The following MALT1 variants were observed in gnomAD, a reference collection of about 807,000 sequenced individuals.
MALT1 encodes the protein MALT1 paracaspase.
In MALT1, 36 loss-of-function variants were observed where a neutral mutation model predicts 85.5. The ratio of observed to expected loss-of-function variants is 0.42; its 90% CI spans 0.32 to 0.56. The LOEUF (loss-of-function observed/expected upper bound fraction) is 0.56, where lower values mean the gene tolerates loss of function less well. Among genes scored for constraint, MALT1 ranks in the 20% least tolerant of loss-of-function variants. The probability of loss-of-function intolerance (pLI) is 0.10; values close to 1 mark genes in which losing one functional copy is unlikely to be tolerated. For synonymous variants in MALT1, 359 were observed against 361.3 expected, an observed-to-expected ratio of 0.99 and a Z score of 0.07; for missense variants, 716 against 981.6, an observed-to-expected ratio of 0.73 and a Z score of 3.62.
chr18:58,689,503 C>T (rs2054463322), intron 2 of MALT1, among the ~76,000 whole-genome samples: 1 of 152,196 alleles, frequency 6.6e-6, no homozygotes, highest in Non-Finnish European at 1.5e-5. Context: ...CACTAACACC[C>T]ACTGCAGTGC....
At chr18:58,717,766 A>AT (rs2054924863) in intron 9 of MALT1, among the ~76,000 whole-genome samples, 1 of 151,312 alleles carries the variant, frequency 6.6e-6, no homozygotes, top group Non-Finnish European at 1.5e-5. Context: ...AAAAAAAAAA[A>AT]AGAAACCTGC....
At chr18:58,720,624 TC>T (rs2054970096) in intron 9 of MALT1, among the ~76,000 whole-genome samples, 1 of 152,216 alleles carries the variant, frequency 6.6e-6, no homozygotes, top group Non-Finnish European at 1.5e-5. Context: ...AAGTATTCTT[TC>T]CCAAATAGAG....
chr18:58,721,549 A>G (rs1474041356), intron 9 of MALT1, among the ~76,000 whole-genome samples: 1 of 152,242 alleles, frequency 6.6e-6, no homozygotes, highest in Non-Finnish European at 1.5e-5. Flanking sequence ...GAACATGTAC[A>G]TATAGAATAG....
At chr18:58,699,590 T>A (rs1053597593) in intron 3 of MALT1, among the ~76,000 whole-genome samples, 1 of 152,242 alleles carries the variant, frequency 6.6e-6, no homozygotes, top group African/African-American at 2.4e-5. Flanking sequence ...ATATTTGCAT[T>A]GTATACTTAA....
intron 3 of MALT1, among the ~76,000 whole-genome samples, chr18:58,699,329 G>A (rs2054638729): frequency 6.6e-6 from 1 of 152,178 alleles, no homozygotes; most frequent in Non-Finnish European, 1.5e-5. Flanking sequence ...AGTCTAGAAG[G>A]AAAACACACT....
In MALT1 at chr18:58,739,490, A is replaced by G. The variant is rs1317283218; in HGVS notation, c.1604-2375A>G. On this transcript the variant is annotated intron_variant, in intron 13 of 16. Transcript: ENST00000649217. ...GTGCCAAGATATTTAGTCCAGCATT[A>G]TTCAAGATGTTTCTAGGTGATGGAT... 3.9e-5 allele frequency among the ~76,000 whole-genome samples: 6 copies of G among 152,292 alleles called. No individual in the cohort carries two copies. The East Asian group carries it at 9.6e-4, about 24-fold the overall frequency.
chr18:58,678,870 G>A (rs1370329525), intron 1 of MALT1, among the ~76,000 whole-genome samples: 1 of 152,170 alleles, frequency 6.6e-6, no homozygotes, highest in South Asian at 2.1e-4. Context: ...GTGTGGTCTA[G>A]GAGGACCTTG....
rs192333093 is a variant in MALT1, at chr18:58,676,910, A to G, written c.210-4260A>G. ...AAGAGGAGAAGCAGAAGAACCTAAA[A>G]ACAGCATTATGGTTTGTCCCCTAAA... is the stretch of plus-strand genomic sequence containing the variant. On this transcript the variant is annotated intron_variant, in intron 1 of 16. Coordinates refer to ENST00000649217, the MANE Select transcript of MALT1 (RefSeq NM_006785.4). 1.4e-4 allele frequency among the ~76,000 whole-genome samples: 22 copies of G among 152,348 alleles called. No homozygotes were observed. In the East Asian group the frequency reaches 3.3e-3, roughly 23 times the overall value.
intron 1 of MALT1, among the ~76,000 whole-genome samples, chr18:58,676,742 C>G (rs1397820361): frequency 3.3e-5 from 5 of 152,184 alleles, no homozygotes; most frequent in Non-Finnish European, 2.9e-5. Context: ...CTGTACTTCT[C>G]TAGAATGAAA....
intron 2 of MALT1, among the ~76,000 whole-genome samples, chr18:58,694,703 A>G (rs757249502): frequency 6.6e-6 from 1 of 152,206 alleles, no homozygotes; most frequent in Non-Finnish European, 1.5e-5. Flanking sequence ...TATCTCACAC[A>G]GTTTCTGAGG....
At chr18:58,710,646 A>G (rs1181345673) in intron 6 of MALT1, among the ~76,000 whole-genome samples, 1 of 152,188 alleles carries the variant, frequency 6.6e-6, no homozygotes, top group Admixed American at 6.5e-5. Flanking sequence ...TAATAAAAGA[A>G]AAAGATTTTT....
At chr18:58,672,249 T>G (rs2054175122) in intron 1 of MALT1, 1 of 164,536 alleles carries the variant, frequency 6.1e-6, no homozygotes, top group African/African-American at 2.4e-5. Flanking sequence ...GACACTGCTC[T>G]GGGAGACCTA....
chr18:58,672,663 A>G (rs1330711787), intron 1 of MALT1: 2 of 152,264 alleles, frequency 1.3e-5, no homozygotes, highest in South Asian at 2.1e-4. Flanking sequence ...ATTATATGGT[A>G]ACAGAAATAA....
chr18:58,735,062 CCCA>C, intron 12 of MALT1, 137 bp from the exon 13 acceptor site: 1 of 492,490 alleles, frequency 2.0e-6, no homozygotes, highest in Non-Finnish European at 3.2e-6. Flanking sequence ...CCACGCTGTC[CCCA>C]CCCCCCCCCA....
rs1436025421 is a variant in MALT1 at position 58,750,743 on chromosome 18, A to G, written c.*2901A>G. The G allele has an allele frequency of 5.3e-5, 8 of 152,218 alleles. No homozygotes were observed. The highest frequency in any genetic ancestry group is 2.1e-4 in the South Asian group (1 of 4,824). The allele number at this position is 152,218 out of a possible 1,614,324, so 9.4% of individuals were successfully genotyped here. A position where few individuals can be genotyped will look rare whatever the true frequency, so the allele number is the denominator to read the frequency against. On this transcript the variant is annotated 3_prime_UTR_variant, in exon 17 of 17. Coordinates refer to ENST00000649217, the MANE Select transcript of MALT1 (RefSeq NM_006785.4). ...TACAAATTCTAACTCAAAATGGATCATAGACCTCAATATAAGAGTTTAAAC... is the reference window on the plus strand; with the variant it reads ...TACAAATTCTAACTCAAAATGGATCGTAGACCTCAATATAAGAGTTTAAAC...
chr18:58,682,040 G>A (rs567138002), intron 2 of MALT1, among the ~76,000 whole-genome samples: 1 of 152,218 alleles, frequency 6.6e-6, no homozygotes, highest in East Asian at 1.9e-4. Context: ...TTTACCTGGG[G>A]ATCCAGTGGG....
chr18:58,698,070 TTTTTG>T (rs1176975754), intron 3 of MALT1, among the ~76,000 whole-genome samples: 6 of 92,162 alleles, frequency 6.5e-5, no homozygotes, highest in East Asian at 3.1e-4. Context: ...TTGTTTTGTT[TTTTTG>T]TTTTTTTTTT....
Position 58,733,479 on chromosome 18 carries a change from G to T in MALT1, c.1305G>T (p.Arg435Ser). The T allele has an allele frequency of 1.2e-6, 2 of 1,613,334 alleles. No individual in the cohort carries two copies. Among genetic ancestry groups the T allele is most frequent in the South Asian group, 1.1e-5 (1 of 91,034 alleles). The change falls in exon 11 of 17, where the codon AGG becomes AGT. Residue 435 changes from arginine to serine, a missense_variant. Transcript: ENST00000649217. The stretch of plus-strand genomic sequence containing the variant: ...CCGTTGATGCTCCAAATCCATATAG[G>T]TCTGAAAATTGTCTGTGTGTACAAA... Reference protein sequence around the residue: ...MVPVDAPNPYRSENCLCVQNI... With the variant: ...MVPVDAPNPYSSENCLCVQNI...
In MALT1 at chr18:58,752,367, A is replaced by G. The variant is rs1361267427; in HGVS notation, c.*4525A>G. 6.6e-6 allele frequency: 1 copy of G among 152,124 alleles called. No individual in the cohort carries two copies. The highest frequency in any genetic ancestry group is 2.4e-5 in the African/African-American group (1 of 41,414). 9.4% of individuals were successfully genotyped at this position (152,124 alleles called of 1,614,324 possible). On this transcript the variant is annotated 3_prime_UTR_variant, in exon 17 of 17. Transcript: ENST00000649217. ...TTCCTATTCCTTGAACATTCACCTG[A>G]CGCTTATATACTGTCATTACTTTTA...
Sources: allele counts gnomAD v4.1 joint callset (sites outside exome capture counted in the v4.1 genomes callset), GRCh38; gene constraint gnomAD v4.1.1; transcripts MANE v1.5; gene names NCBI Gene and HGNC (gene_info 2026-07-23, HGNC 2026-07-21).